Variants in DCC observed in about 807,000 individuals in gnomAD.
The protein encoded by DCC is netrin receptor DCC.
In DCC, 58 loss-of-function variants were observed where a neutral mutation model predicts 172.5. The ratio of observed to expected loss-of-function variants is 0.34; its 90% CI spans 0.27 to 0.42. The LOEUF (loss-of-function observed/expected upper bound fraction) is 0.42. Ranked by LOEUF, DCC falls within the 10% of genes least tolerant of loss-of-function variation. The probability of loss-of-function intolerance (pLI) is 1.00; values close to 1 mark genes in which losing one functional copy is unlikely to be tolerated. For missense variants in DCC, 1,740 were observed against 1,791.0 expected (o/e 0.97, Z 0.51); for synonymous variants, 709 against 644.5 (o/e 1.10, Z -1.52).
intron 21 of DCC, among the ~76,000 whole-genome samples, chr18:53,433,457 A>G (rs1911749361): frequency 1.3e-5 from 2 of 152,302 alleles, no homozygotes; most frequent in South Asian, 4.1e-4. Flanking sequence ...TATTCCCAAC[A>G]GGAAACATGT....
intron 1 of DCC, among the ~76,000 whole-genome samples, chr18:52,468,364 T>G (rs73461005): frequency 6.6e-6 from 1 of 152,074 alleles, no homozygotes; most frequent in African/African-American, 2.4e-5. Flanking sequence ...GAGACAAAGA[T>G]GAAAGTATGA....
intron 1 of DCC, among the ~76,000 whole-genome samples, chr18:52,623,826 A>G (rs1418757774): frequency 6.6e-6 from 1 of 152,042 alleles, no homozygotes; most frequent in East Asian, 1.9e-4. Flanking sequence ...GAAAAGGCAA[A>G]TCTCTGTCCC....
At chr18:52,748,165 G>A (rs565577544) in intron 1 of DCC, among the ~76,000 whole-genome samples, 11 of 152,286 alleles carry the variant, frequency 7.2e-5, no homozygotes, top group African/African-American at 2.4e-4. Flanking sequence ...GCTGCAGTGC[G>A]GCAGGCAGCT....
At chr18:52,875,307 T>C (rs541527783) in intron 2 of DCC, among the ~76,000 whole-genome samples, 125 of 152,228 alleles carry the variant, frequency 8.2e-4, no homozygotes, top group Non-Finnish European at 1.4e-3. Flanking sequence ...AAAAGATAAT[T>C]AAAAATTATC....
At chr18:53,057,231 T>A (rs2042420434) in intron 5 of DCC, among the ~76,000 whole-genome samples, 1 of 151,904 alleles carries the variant, frequency 6.6e-6, no homozygotes, top group African/African-American at 2.4e-5. Flanking sequence ...CAGAAGAAAT[T>A]TCATTGTACA....
At chr18:52,874,917 G>A (rs2039378652) in intron 2 of DCC, among the ~76,000 whole-genome samples, 2 of 152,146 alleles carry the variant, frequency 1.3e-5, no homozygotes, top group African/African-American at 4.8e-5. Context: ...AGGCAGGGAA[G>A]GGTGAACAGT....
chr18:52,678,382 C>T (rs2035683384), intron 1 of DCC, among the ~76,000 whole-genome samples: 1 of 152,050 alleles, frequency 6.6e-6, no homozygotes, highest in Admixed American at 6.6e-5. Flanking sequence ...GGTTTTGTCC[C>T]TTCTATTGTT....
At chr18:53,264,608 G>C (rs2056650608) in intron 12 of DCC, among the ~76,000 whole-genome samples, 1 of 152,018 alleles carries the variant, frequency 6.6e-6, no homozygotes, top group South Asian at 2.1e-4. Context: ...GTCAGAGATG[G>C]AGTCAGTGGC....
intron 15 of DCC, among the ~76,000 whole-genome samples, chr18:53,349,716 T>C (rs1344682678): frequency 2.6e-5 from 4 of 152,026 alleles, no homozygotes; most frequent in African/African-American, 9.7e-5. Flanking sequence ...GCATAGAAAC[T>C]CCCTTTTTTA....
intron 1 of DCC, among the ~76,000 whole-genome samples, chr18:52,591,612 T>C (rs2033800882): frequency 6.6e-6 from 1 of 151,924 alleles, no homozygotes; most frequent in African/African-American, 2.4e-5. Context: ...AATTACACTG[T>C]TCAAATTATT....
intron 7 of DCC, among the ~76,000 whole-genome samples, chr18:53,129,958 A>G (rs2043626449): frequency 6.6e-6 from 1 of 152,166 alleles, no homozygotes; most frequent in African/African-American, 2.4e-5. Flanking sequence ...ATACCATTTT[A>G]CAATTCTTCC....
chr18:52,666,366 A>T (rs1168638670), intron 1 of DCC, among the ~76,000 whole-genome samples: 4 of 152,210 alleles, frequency 2.6e-5, no homozygotes, highest in Admixed American at 2.6e-4. Flanking sequence ...ATATGTGAAT[A>T]TAAAACCTAC....
chr18:52,511,077 C>A (rs1403558385), intron 1 of DCC, among the ~76,000 whole-genome samples: 2 of 151,876 alleles, frequency 1.3e-5, no homozygotes, highest in Non-Finnish European at 1.5e-5. Flanking sequence ...ATCAGGAGAT[C>A]GAAACTATCC....
At chr18:53,323,523 T>A (rs2057434358) in intron 14 of DCC, among the ~76,000 whole-genome samples, 1 of 152,268 alleles carries the variant, frequency 6.6e-6, no homozygotes, top group Admixed American at 6.5e-5. Context: ...TCATGGAGCT[T>A]GGAGAATAGC....
intron 1 of DCC, among the ~76,000 whole-genome samples, chr18:52,576,124 G>C (rs1292952049): frequency 6.6e-6 from 1 of 152,138 alleles, no homozygotes; most frequent in African/African-American, 2.4e-5. Flanking sequence ...TCATCTTCAT[G>C]GCAGGCAAAT....
At chr18:52,764,595 T>G (rs960734408) in intron 2 of DCC, among the ~76,000 whole-genome samples, 2 of 152,222 alleles carry the variant, frequency 1.3e-5, no homozygotes, top group African/African-American at 4.8e-5. Context: ...GTGATGTCTG[T>G]ACATGCTGGC....
chr18:53,222,339 A>G (rs1044197211), intron 12 of DCC, among the ~76,000 whole-genome samples: 1 of 148,162 alleles, frequency 6.7e-6, no homozygotes, highest in Non-Finnish European at 1.5e-5. Flanking sequence ...CCTAAAGTCT[A>G]TTTGAGAGAA....
In DCC at chr18:53,127,326, G is replaced by A. The variant is rs183067350; in HGVS notation, c.1262-30030G>A. Among the ~76,000 whole-genome samples the A allele has an allele frequency of 4.3e-3, 658 of 151,872 alleles. 8 individuals are homozygous for A. The highest frequency in any genetic ancestry group is 0.02 in the South Asian group (96 of 4,814). ...CCTGCTTAGGTTTTAATTCTTAATG[G>A]TCATCAGGATTATTCGGATAGAGCT... On this transcript the variant is annotated intron_variant, in intron 7 of 28. Coordinates refer to ENST00000442544, the MANE Select transcript of DCC (RefSeq NM_005215.4).
At position 52,463,415 on chromosome 18, in the gene DCC, T is replaced by C. The variant is rs1435920595; in HGVS notation, c.91+122537T>C. On this transcript the variant is annotated intron_variant, in intron 1 of 28. Coordinates refer to ENST00000442544, the MANE Select transcript of DCC (RefSeq NM_005215.4). Reference sequence around the variant, plus strand: ...CATTTGGTCATATTGGTTGATGCTATGTTTAGGGACATAGCCACAATAATT... The same window carrying C: ...CATTTGGTCATATTGGTTGATGCTACGTTTAGGGACATAGCCACAATAATT... 2.0e-5 allele frequency among the ~76,000 whole-genome samples: 3 copies of C among 152,140 alleles called. No homozygotes were observed. In the East Asian group the frequency reaches 5.8e-4, roughly 29 times the overall value.
Sources: gnomAD v4.1 joint callset for allele counts (sites outside exome capture counted in the v4.1 genomes callset) on GRCh38, gnomAD v4.1.1 for gene constraint, MANE v1.5 for transcripts, NCBI Gene and HGNC (gene_info 2026-07-23, HGNC 2026-07-21) for gene names.